KMT2C: variants seen among roughly 807,000 people sequenced by gnomAD.
KMT2C encodes the protein histone-lysine N-methyltransferase 2C.
In KMT2C, 88 loss-of-function variants were observed where a neutral mutation model predicts 507.9. The ratio of observed to expected loss-of-function variants is 0.17; its 90% CI spans 0.15 to 0.21. The LOEUF (loss-of-function observed/expected upper bound fraction) is 0.21. Among genes scored for constraint, KMT2C ranks in the 10% least tolerant of loss-of-function variants. The pLI is 1.00. For synonymous variants in KMT2C, 2,049 were observed against 2,080.8 expected, an observed-to-expected ratio of 0.98 and a Z score of 0.42; for missense variants, 4,954 against 5,957.8, an observed-to-expected ratio of 0.83 and a Z score of 5.55.
chr7:152,307,845 C>T (rs2096634828), intron 6 of KMT2C, among the ~76,000 whole-genome samples: 1 of 152,158 alleles, frequency 6.6e-6, no homozygotes, highest in East Asian at 1.9e-4. Context: ...CATTTCTGTA[C>T]TAAGTATCAA....
chr7:152,412,325 C>A (rs1234935831), intron 1 of KMT2C, among the ~76,000 whole-genome samples: 3 of 152,160 alleles, frequency 2.0e-5, no homozygotes, highest in Admixed American at 1.3e-4. Context: ...GGCTTGAACC[C>A]GGGAGGCGGA....
rs2129095192 is a variant in KMT2C, at chr7:152,148,399, C to T, written c.13528G>A (p.Gly4510Arg). 6.2e-7 allele frequency: 1 copy of T among 1,614,210 alleles called. No individual in the cohort carries two copies. The highest frequency in any genetic ancestry group is 8.5e-7 in the Non-Finnish European group (1 of 1,180,050). The change falls in exon 52 of 59, where the codon GGA (glycine) becomes AGA (arginine). Residue 4510 changes from glycine to arginine, a missense_variant. Coordinates refer to ENST00000262189, the MANE Select transcript of KMT2C (RefSeq NM_170606.3). The surrounding 1 kb of genome is among the most constrained non-coding windows in gnomAD (Gnocchi z 7.1). ...TMLCPMHKPK[G>R]IHEQELSYFA... ...TAACTTAATTCTTGCTCATGAATTC[C>T]CTTTGGTTTGTGCATGGGGCAAAGC... is the stretch of plus-strand genomic sequence containing the variant.
At chr7:152,185,965 A>T (rs2093614682) in intron 33 of KMT2C, among the ~76,000 whole-genome samples, 1 of 152,224 alleles carries the variant, frequency 6.6e-6, no homozygotes, top group Non-Finnish European at 1.5e-5. Flanking sequence ...ACAAGTTTGT[A>T]AAACATCTGT....
intron 1 of KMT2C, among the ~76,000 whole-genome samples, chr7:152,425,268 G>GA (rs1452115493): frequency 2.0e-5 from 3 of 152,054 alleles, no homozygotes; most frequent in Non-Finnish European, 4.4e-5. Flanking sequence ...CTATAAGTAT[G>GA]AAAGTCTAAT....
At chr7:152,290,730 C>T (rs2096413773) in intron 6 of KMT2C, among the ~76,000 whole-genome samples, 1 of 152,064 alleles carries the variant, frequency 6.6e-6, no homozygotes, top group African/African-American at 2.4e-5. Context: ...GGTTTAGTAT[C>T]AAACAAGAAT....
At chr7:152,253,514 CAAAAAAAAAAAAAAAAA>C (rs71198770) in intron 9 of KMT2C, among the ~76,000 whole-genome samples, 2 of 39,510 alleles carry the variant, frequency 5.1e-5, no homozygotes, top group African/African-American at 7.8e-5. Context: ...TCTTTCTCTA[CAAAAAAAAAAAAAAAAA>C]AAAAAAAAAA....
rs765573319 is a variant in KMT2C, at chr7:152,181,616, T to C, written c.6244A>G (p.Ile2082Val). 2.5e-5 allele frequency: 40 copies of C among 1,613,974 alleles called. No homozygotes were observed. The highest frequency in any genetic ancestry group is 8.5e-7 in the Non-Finnish European group (1 of 1,180,024). ...GACTGATTATGAGAAAAATTATCTA[T>C]AGGTCTTGGTGTCAAAGCAGGCCTT... ...YERPALTPRP[I>V]DNFSHNQSND... The change falls in exon 36 of 59, where the codon ATA becomes GTA. Residue 2082 changes from isoleucine (I) to valine (V), a missense_variant. Ile to Val is a conservative substitution (Grantham distance 29). Around this residue, in one of 29 missense-constraint regions of KMT2C, gnomAD observed 1,689 missense variants for 1,654.3 expected, o/e 1.02. Coordinates refer to ENST00000262189, the MANE Select transcript of KMT2C (RefSeq NM_170606.3).
At chr7:152,395,030 A>C (rs541151922) in intron 1 of KMT2C, among the ~76,000 whole-genome samples, 2 of 152,214 alleles carry the variant, frequency 1.3e-5, no homozygotes, top group Non-Finnish European at 2.9e-5. Flanking sequence ...GTTTGCAAAA[A>C]AAAGTGACAA....
intron 1 of KMT2C, among the ~76,000 whole-genome samples, chr7:152,372,179 G>A (rs939506885): frequency 3.9e-5 from 6 of 151,954 alleles, no homozygotes; most frequent in Admixed American, 2.0e-4. Context: ...TGTTTAAGAC[G>A]GAGTCTCACT....
At chr7:152,290,258 G>A (rs866312338) in intron 6 of KMT2C, among the ~76,000 whole-genome samples, 72 of 26,262 alleles carry the variant, frequency 2.7e-3, no homozygotes, top group East Asian at 0.011. Context: ...GTGTGTATGT[G>A]TATATATATA....
intron 6 of KMT2C, among the ~76,000 whole-genome samples, chr7:152,282,111 G>GA (rs1253768416): frequency 4.9e-5 from 7 of 143,930 alleles, no homozygotes; most frequent in African/African-American, 5.2e-5. Context: ...GGCCAACATG[G>GA]TGAAACCCCA....
chr7:152,275,589 T>C (rs565752129), intron 6 of KMT2C, among the ~76,000 whole-genome samples: 41 of 152,250 alleles, frequency 2.7e-4, no homozygotes, highest in African/African-American at 8.4e-4. Context: ...ACACAGAAAA[T>C]AAATATTTTT....
intron 6 of KMT2C, 73 bp downstream of exon 6, chr7:152,309,893 T>C (rs1400442889): frequency 1.1e-6 from 1 of 934,140 alleles, no homozygotes; most frequent in African/African-American, 1.6e-5. Flanking sequence ...CATTTAATAA[T>C]CCTTTCAAGT....
At chr7:152,209,172 AAAG>A (rs2094390307) in intron 23 of KMT2C, among the ~76,000 whole-genome samples, 1 of 150,786 alleles carries the variant, frequency 6.6e-6, no homozygotes. Flanking sequence ...AAAAAAAAAA[AAAG>A]GCCAGGCACG....
intron 1 of KMT2C, among the ~76,000 whole-genome samples, chr7:152,415,372 A>G (rs2097723842): frequency 6.6e-6 from 1 of 152,240 alleles, no homozygotes; most frequent in African/African-American, 2.4e-5. Context: ...ACTTCTATAA[A>G]TAATTGAATA....
At chr7:152,294,453 G>A (rs1200772118) in intron 6 of KMT2C, among the ~76,000 whole-genome samples, 5 of 152,082 alleles carry the variant, frequency 3.3e-5, no homozygotes, top group South Asian at 2.1e-4. Context: ...GAAGACTCCC[G>A]ATTGCTTCCC....
At chr7:152,407,883 T>C (rs572119238) in intron 1 of KMT2C, among the ~76,000 whole-genome samples, 8 of 152,378 alleles carry the variant, frequency 5.3e-5, no homozygotes, top group Admixed American at 2.0e-4. Context: ...CAGAAACATA[T>C]ACTATTAGTT....
chr7:152,204,202 G>A (rs550764178), intron 25 of KMT2C, among the ~76,000 whole-genome samples: 4 of 152,206 alleles, frequency 2.6e-5, no homozygotes, highest in East Asian at 1.9e-4. Flanking sequence ...GGACGCTGAC[G>A]CACGAGAATT....
At chr7:152,142,370 G>C (rs28477116) in intron 55 of KMT2C, among the ~76,000 whole-genome samples, 21,541 of 152,112 alleles carry the variant, frequency 0.14, 3,821 homozygotes, top group African/African-American at 0.41. Context: ...TCCAAATGGC[G>C]GACATGAAAA....
Sources: allele counts gnomAD v4.1 joint callset (sites outside exome capture counted in the v4.1 genomes callset), GRCh38; gene constraint gnomAD v4.1.1; regional missense constraint gnomAD v4.1.1; non-coding constraint Gnocchi (gnomAD v3.1); transcripts MANE v1.5; gene names NCBI Gene and HGNC (gene_info 2026-07-23, HGNC 2026-07-21).